The following BUB1B variants were observed in gnomAD, a reference collection of about 807,000 sequenced individuals.
BUB1B encodes mitotic checkpoint serine/threonine-protein kinase BUB1 beta.
In BUB1B, 86 loss-of-function variants were observed where a neutral mutation model predicts 137.7. The observed-to-expected ratio is 0.62, with a 90% confidence interval of 0.52 to 0.75. The LOEUF (loss-of-function observed/expected upper bound fraction) is 0.75, where lower values mean the gene tolerates loss of function less well. BUB1B is among the 30% of genes least tolerant of loss of function. BUB1B has a pLI of 0.00. For missense variants in BUB1B, 1,130 were observed against 1,236.9 expected, an observed-to-expected ratio of 0.91 and a Z score of 1.30; for synonymous variants, 420 against 417.9, an observed-to-expected ratio of 1.00 and a Z score of -0.06.
In BUB1B at chr15:40,208,652, C is replaced by T. The variant is rs143559902; in HGVS notation, c.2025C>T (p.Asp675=). ...SIKKLSPIIE[D]SREATHSSGF... ...ATTCTTTTAGCCCAATTATTGAAGA[C>T]AGTCGTGAAGCCACACACTCCTCTG... Residue 675 remains aspartate (D), a synonymous_variant, in exon 16 of 23, where the codon GAC becomes GAT. Transcript: ENST00000287598. The T allele has an allele frequency of 6.2e-7, 1 of 1,613,740 alleles. No individual in the cohort carries two copies. The highest frequency in any genetic ancestry group is 2.2e-5 in the East Asian group (1 of 44,884).
At chr15:40,171,040 A>G (rs919159424) in intron 4 of BUB1B, among the ~76,000 whole-genome samples, 8 of 151,988 alleles carry the variant, frequency 5.3e-5, no homozygotes, top group Admixed American at 1.3e-4. Context: ...GGCTCAAGCA[A>G]TCCTCTCGCC....
intron 15 of BUB1B, among the ~76,000 whole-genome samples, chr15:40,207,548 GA>G (rs546258151): frequency 1.3e-5 from 2 of 151,482 alleles, no homozygotes; most frequent in Admixed American, 6.6e-5. Context: ...TCTTCTTGAA[GA>G]AAAAAAAGTC....
chr15:40,215,342 C>T (rs1171770777), intron 20 of BUB1B, among the ~76,000 whole-genome samples: 1 of 151,992 alleles, frequency 6.6e-6, no homozygotes, highest in Non-Finnish European at 1.5e-5. Flanking sequence ...TATGGTGGTG[C>T]ATGCCTGTAA....
chr15:40,180,660 T>C (rs1175018626), intron 5 of BUB1B, among the ~76,000 whole-genome samples: 1 of 134,998 alleles, frequency 7.4e-6, no homozygotes, highest in African/African-American at 2.9e-5. Flanking sequence ...TTTTTTTTTT[T>C]TTTTTTTGAG....
intron 4 of BUB1B, among the ~76,000 whole-genome samples, chr15:40,172,811 T>C (rs947870678): frequency 4.6e-5 from 7 of 152,142 alleles, no homozygotes; most frequent in Non-Finnish European, 8.8e-5. Context: ...TAGTGAAAGG[T>C]TGGAGAAATT....
intron 11 of BUB1B, 93 bp downstream of exon 11, chr15:40,200,452 T>C: frequency 1.1e-6 from 1 of 891,366 alleles, no homozygotes; most frequent in Non-Finnish European, 1.8e-6. Flanking sequence ...CCTTGACGTT[T>C]ACAGTATCGA....
intron 2 of BUB1B, 82 bp downstream of exon 2, chr15:40,165,278 G>T (rs1201729436): frequency 6.3e-7 from 1 of 1,582,040 alleles, no homozygotes; most frequent in African/African-American, 1.3e-5. Context: ...CATGAGAGAT[G>T]GCATAATGAG....
rs2037588467 is a variant in BUB1B, at chr15:40,202,660, T to C, written c.1700T>C (p.Ile567Thr). The change falls in exon 14 of 23, where the codon ATC becomes ACC. Residue 567 changes from isoleucine to threonine, a missense_variant. By Grantham distance (89) the Ile-to-Thr change is moderately conservative (BLOSUM62 -1). Coordinates refer to ENST00000287598, the MANE Select transcript of BUB1B (RefSeq NM_001211.6). ...PLAVLKTSESITSNEDVSPDV... is the reference protein window; with the variant it reads ...PLAVLKTSESTTSNEDVSPDV... ...GCAGTTCTCAAAACCTCAGAAAGCATCACCTCAAATGAAGATGTGTCTCCA... is the reference window on the plus strand; with the variant it reads ...GCAGTTCTCAAAACCTCAGAAAGCACCACCTCAAATGAAGATGTGTCTCCA... The C allele has an allele frequency of 1.2e-6, 2 of 1,613,902 alleles. No homozygotes were observed. Among genetic ancestry groups the C allele is most frequent in the South Asian group, 1.1e-5 (1 of 91,082 alleles).
chr15:40,209,144 G>A (rs2037677011), intron 16 of BUB1B, among the ~76,000 whole-genome samples: 1 of 152,170 alleles, frequency 6.6e-6, no homozygotes, highest in African/African-American at 2.4e-5. Flanking sequence ...TGCCGGCCGG[G>A]TGCGGTGGCT....
At chr15:40,187,715 C>T (rs2037385060) in intron 8 of BUB1B, among the ~76,000 whole-genome samples, 1 of 151,924 alleles carries the variant, frequency 6.6e-6, no homozygotes, top group South Asian at 2.1e-4. Context: ...TCAAGACCAG[C>T]CTGGGCAACA....
At chr15:40,193,905 A>T (rs1296562817) in intron 8 of BUB1B, among the ~76,000 whole-genome samples, 1 of 150,938 alleles carries the variant, frequency 6.6e-6, no homozygotes, top group East Asian at 2.0e-4. Flanking sequence ...AAAAAAAAAA[A>T]AAAAACAGGG....
Position 40,206,291 on chromosome 15 carries a change from A to G in BUB1B, c.1842A>G (p.Ala614=), listed in dbSNP as rs2037635438. 1 of 1,614,220 alleles carries G rather than the reference A, an allele frequency of 6.2e-7. No homozygotes were observed. The highest frequency in any genetic ancestry group is 2.2e-5 in the East Asian group (1 of 44,882). Residue 614 remains alanine (A), a synonymous_variant, in exon 15 of 23, where the codon GCA becomes GCG. Coordinates refer to ENST00000287598, the MANE Select transcript of BUB1B (RefSeq NM_001211.6). ...AAGACACTTGTGACTTTGCCAGAGC[A>G]GCTCGTTTTGTATCCACTCCTTTTC... is the stretch of plus-strand genomic sequence containing the variant. ...NPEDTCDFAR[A]ARFVSTPFHE...
At chr15:40,199,090 C>T (rs1257342225) in intron 9 of BUB1B, among the ~76,000 whole-genome samples, 1 of 152,172 alleles carries the variant, frequency 6.6e-6, no homozygotes, top group Non-Finnish European at 1.5e-5. Context: ...GTTTGTTAGC[C>T]TAGAATCTTT....
intron 12 of BUB1B, among the ~76,000 whole-genome samples, chr15:40,201,613 C>T (rs1164144200): frequency 6.6e-6 from 1 of 152,122 alleles, no homozygotes; most frequent in Admixed American, 6.6e-5. Flanking sequence ...TCACAGTATA[C>T]GGATCTTAAC....
rs200669983 is a variant in BUB1B, at chr15:40,185,340, A to G, written c.927A>G (p.Gln309=). 2.5e-6 allele frequency: 4 copies of G among 1,614,232 alleles called. No homozygotes were observed. The highest frequency in any genetic ancestry group is 2.2e-5 in the East Asian group (1 of 44,882). Residue 309 remains glutamine, a synonymous_variant, in exon 7 of 23, where the codon CAA becomes CAG. Coordinates refer to ENST00000287598, the MANE Select transcript of BUB1B (RefSeq NM_001211.6). ...PMPRAKENEL[Q]AGPWNTGRSL... ...CCAGGGCCAAAGAGAATGAGCTGCA[A>G]GCAGGCCCTTGGAACACAGGCAGGT...
intron 5 of BUB1B, among the ~76,000 whole-genome samples, chr15:40,180,916 G>T (rs1400308385): frequency 1.3e-5 from 2 of 152,034 alleles, no homozygotes; most frequent in Non-Finnish European, 2.9e-5. Flanking sequence ...CCAAAGTGCT[G>T]GGATTGCAGG....
intron 1 of BUB1B, among the ~76,000 whole-genome samples, chr15:40,162,371 G>C (rs73389504): frequency 0.043 from 6,571 of 152,264 alleles, 466 homozygotes; most frequent in African/African-American, 0.15. Context: ...GTAATCAAAA[G>C]TCATTGGAAG....
intron 2 of BUB1B, among the ~76,000 whole-genome samples, 192 bp from the exon 3 acceptor site, chr15:40,169,870 C>T (rs993650110): frequency 6.6e-6 from 1 of 152,142 alleles, no homozygotes; most frequent in Non-Finnish European, 1.5e-5. Flanking sequence ...CACTTGGCCT[C>T]CCAAAGTGTC....
chr15:40,172,189 A>AG (rs1360590308), intron 4 of BUB1B, among the ~76,000 whole-genome samples: 13 of 150,776 alleles, frequency 8.6e-5, no homozygotes, highest in East Asian at 3.9e-4. Flanking sequence ...TCTTACTAAA[A>AG]TAAAGTAATA....
Sources: gnomAD v4.1 joint callset for allele counts (sites outside exome capture counted in the v4.1 genomes callset) on GRCh38, gnomAD v4.1.1 for gene constraint, MANE v1.5 for transcripts, NCBI Gene and HGNC (gene_info 2026-07-23, HGNC 2026-07-21) for gene names.